HAUS1: variants seen among roughly 807,000 people sequenced by gnomAD.
HAUS1 encodes the protein HAUS augmin like complex subunit 1, also known as HAUS augmin-like complex subunit 1.
In HAUS1, 25 loss-of-function variants were observed where a neutral mutation model predicts 38.6. The ratio of observed to expected loss-of-function variants is 0.65; its 90% confidence interval spans 0.47 to 0.91. The LOEUF is 0.91. Ranked by LOEUF, HAUS1 falls within the 40% of genes least tolerant of loss-of-function variation. The pLI is 0.00. For synonymous variants in HAUS1, 109 were observed against 112.9 expected (o/e 0.97, Z 0.22); for missense variants, 325 against 328.4 (o/e 0.99, Z 0.08).
At chr18:46,114,423 C>T (rs991835100) in intron 2 of HAUS1, among the ~76,000 whole-genome samples, 1 of 152,132 alleles carries the variant, frequency 6.6e-6, no homozygotes, top group Admixed American at 6.6e-5. Flanking sequence ...TGTCACTGAG[C>T]GATATGCCAG....
intron 7 of HAUS1, among the ~76,000 whole-genome samples, chr18:46,125,236 C>T (rs1421669107): frequency 6.6e-6 from 1 of 150,572 alleles, no homozygotes; most frequent in Non-Finnish European, 1.5e-5. Flanking sequence ...CTCCAGCCTG[C>T]TCAACAGAGC....
At chr18:46,127,528 A>AC (rs1434140441) in intron 8 of HAUS1, among the ~76,000 whole-genome samples, 2 of 151,160 alleles carry the variant, frequency 1.3e-5, no homozygotes, top group African/African-American at 2.4e-5. Flanking sequence ...AGATGGTGAA[A>AC]CCCCATCTCT....
chr18:46,127,478 G>T (rs957430974), intron 8 of HAUS1, among the ~76,000 whole-genome samples: 2 of 151,906 alleles, frequency 1.3e-5, no homozygotes, highest in Non-Finnish European at 2.9e-5. Context: ...AGGCCAAGTG[G>T]GTGGATCAAA....
intron 6 of HAUS1, 73 bp downstream of exon 6, chr18:46,123,437 TTTATTCGGCTTTTATTC>T (rs1912008031): frequency 9.7e-7 from 1 of 1,034,354 alleles, no homozygotes; most frequent in South Asian, 1.4e-5. Flanking sequence ...TTTGTTTCTT[TTTATTCGGCTTTTATTC>T]ACTGTGGACC....
intron 8 of HAUS1, among the ~76,000 whole-genome samples, chr18:46,127,145 T>A (rs1043372111): frequency 2.0e-5 from 3 of 151,638 alleles, no homozygotes; most frequent in African/African-American, 7.3e-5. Flanking sequence ...AATTTTTGTA[T>A]TTTTTTAGTA....
Position 46,113,010 on chromosome 18 carries a change from T to TATATATATTCCATATTATATATATA in HAUS1, c.206-5162_206-5138dup, listed in dbSNP as rs1568263643. 3.3e-4 allele frequency among the ~76,000 whole-genome samples: 42 copies of TATATATATTCCATATTATATATATA among 126,506 alleles called. 1 individual carries two copies. The highest frequency in any genetic ancestry group is 1.2e-3 in the African/African-American group (40 of 32,168). The allele number at this position is 126,506 out of a possible 152,430, so 83.0% of individuals were successfully genotyped here. A position where few individuals can be genotyped will look rare whatever the true frequency, so the allele number is the denominator to read the frequency against. ...TAATATATATTCCATATATATGGAA[T>TATATATATTCCATATTATATATATA]ATATATATTCCATATTATATATATA... is the stretch of plus-strand genomic sequence containing the variant. On this transcript the variant is annotated intron_variant, in intron 2 of 8. Transcript: ENST00000282058.
At chr18:46,112,020 G>A (rs1159747045) in intron 2 of HAUS1, among the ~76,000 whole-genome samples, 3 of 149,346 alleles carry the variant, frequency 2.0e-5, no homozygotes, top group Non-Finnish European at 4.4e-5. Context: ...TGAGTAGCTG[G>A]GATTATAGGC....
intron 2 of HAUS1, among the ~76,000 whole-genome samples, chr18:46,106,424 G>A (rs1303712599): frequency 3.3e-5 from 5 of 150,136 alleles, no homozygotes; most frequent in African/African-American, 4.9e-5. Flanking sequence ...AGCCGAGATC[G>A]CACCACTGCA....
chr18:46,104,898 T>C (rs1599802273), intron 1 of HAUS1, among the ~76,000 whole-genome samples: 1 of 152,224 alleles, frequency 6.6e-6, no homozygotes, highest in Non-Finnish European at 1.5e-5. Context: ...TATGGTCTAT[T>C]AAGCTTTAAG....
chr18:46,105,287 G>T lies in HAUS1; in HGVS notation c.124G>T (p.Glu42Ter), dbSNP rs780829199. The T allele has an allele frequency of 3.1e-6, 5 of 1,613,704 alleles. No individual in the cohort carries two copies. The highest frequency in any genetic ancestry group is 4.2e-6 in the Non-Finnish European group (5 of 1,179,790). ...CACAGAGATTTTACATCACCTTTCA[G>T]AACGCAACAGGGTCCGGGACAGGGA... ...RTTEILHHLS[E>*]RNRVRDRDVY... Residue 42 changes from glutamate (E) to a stop codon, truncating the protein, a stop_gained, in exon 2 of 9, where the codon GAA becomes TAA. Transcript: ENST00000282058. LOFTEE classifies it high-confidence loss of function.
Position 46,110,333 on chromosome 18 carries a change from G to GTTTTTTTTTT in HAUS1, c.205+4985_205+4994dup, listed in dbSNP as rs71160713. ...ACCATGCCCAGCTTATTTTTTTAAGGTTTTTTTTTTTTTTTTTTTTTTTTT... is the reference window on the plus strand; with the variant it reads ...ACCATGCCCAGCTTATTTTTTTAAGGTTTTTTTTTTTTTTTTTTTTTTTTTTTTTTTTTTT... On this transcript the variant is annotated intron_variant, in intron 2 of 8. Transcript: ENST00000282058. Among the ~76,000 whole-genome samples, 7 of 50,014 alleles carry GTTTTTTTTTT rather than the reference G, an allele frequency of 1.4e-4. 1 individual carries two copies. Among genetic ancestry groups the GTTTTTTTTTT allele is most frequent in the Admixed American group, 2.7e-4 (1 of 3,684 alleles). 32.8% of individuals were successfully genotyped at this position (50,014 alleles called of 152,430 possible).
At chr18:46,109,638 C>T (rs761572252) in intron 2 of HAUS1, 6 of 151,088 alleles carry the variant, frequency 4.0e-5, no homozygotes, top group Non-Finnish European at 7.4e-5. Flanking sequence ...TTTTTTCCTC[C>T]CGAGACAGAG....
chr18:46,126,145 C>G (rs549400308), intron 8 of HAUS1, among the ~76,000 whole-genome samples: 3 of 151,906 alleles, frequency 2.0e-5, no homozygotes, highest in Non-Finnish European at 4.4e-5. Context: ...CGTGGTGATG[C>G]GTGCCCGTAA....
At position 46,104,563 on chromosome 18, in the gene HAUS1, G is replaced by T. The variant is rs952161993; in HGVS notation, c.30+122G>T. The stretch of plus-strand genomic sequence containing the variant: ...TTTCTCTCCCCTATTCCACACATCC[G>T]TCTTTTAGTGCCGCCGTCACTATCT... On this transcript the variant is annotated intron_variant, in intron 1 of 8. Coordinates refer to ENST00000282058, the MANE Select transcript of HAUS1 (RefSeq NM_138443.4). 1.0e-5 allele frequency: 8 copies of T among 785,166 alleles called. No homozygotes were observed. In the African/African-American group the frequency reaches 1.5e-4, roughly 14 times the overall value. 48.6% of individuals were successfully genotyped at this position (785,166 alleles called of 1,614,324 possible).
In HAUS1 at chr18:46,128,183, A is replaced by G; in HGVS notation, c.*58A>G. The G allele has an allele frequency of 9.1e-7, 1 of 1,094,230 alleles. No homozygotes were observed. The highest frequency in any genetic ancestry group is 1.3e-6 in the Non-Finnish European group (1 of 755,560). The allele number at this position is 1,094,230 out of a possible 1,614,324, so 67.8% of individuals were successfully genotyped here. On this transcript the variant is annotated 3_prime_UTR_variant, in exon 9 of 9. Transcript: ENST00000282058. ...AAGTAAATTGAATAGGACTTTACAG[A>G]GTTCTTTTTCCTCTTGGCATTTCCT...
chr18:46,124,720 T>C lies in HAUS1; in HGVS notation c.667-102T>C, dbSNP rs1001020636. On this transcript the variant is annotated intron_variant, in intron 6 of 8. Coordinates refer to ENST00000282058, the MANE Select transcript of HAUS1 (RefSeq NM_138443.4). ...TTATTCGATAACGTTATTTAAAATA[T>C]ACTAATGTTAATGCTTTGTTGTGTT... 2.9e-5 allele frequency: 19 copies of C among 644,086 alleles called. No homozygotes were observed. The Admixed American group carries it at 4.5e-4, about 15-fold the overall frequency. 39.9% of individuals were successfully genotyped at this position (644,086 alleles called of 1,614,324 possible).
intron 8 of HAUS1, among the ~76,000 whole-genome samples, chr18:46,126,442 T>C (rs1912106760): frequency 6.6e-6 from 1 of 152,134 alleles, no homozygotes; most frequent in Admixed American, 6.6e-5. Flanking sequence ...CTGTAGCAAG[T>C]GATAAAGTCC....
rs1007360607 is a variant in HAUS1, at chr18:46,123,293, T to C, written c.601-6T>C. ...TTAACTGAACTCCTTTTTTTGGTAA[T>C]TGTAGGAGCAACTTTCAGCCAGAGG... On this transcript the variant is annotated splice_polypyrimidine_tract_variant and splice_region_variant and intron_variant, in intron 5 of 8. Coordinates refer to ENST00000282058, the MANE Select transcript of HAUS1 (RefSeq NM_138443.4). 2 of 1,601,584 alleles carry C rather than the reference T, an allele frequency of 1.2e-6. No individual in the cohort carries two copies. The highest frequency in any genetic ancestry group is 2.7e-5 in the African/African-American group (2 of 74,428).
At chr18:46,125,880 C>T in intron 8 of HAUS1, 89 bp downstream of exon 8, 2 of 817,466 alleles carry the variant, frequency 2.4e-6, no homozygotes, top group Non-Finnish European at 4.0e-6. Flanking sequence ...TCTTTCCTTT[C>T]TCCTCAGTGG....
Sources: allele counts gnomAD v4.1 joint callset (sites outside exome capture counted in the v4.1 genomes callset), GRCh38; gene constraint gnomAD v4.1.1; transcripts MANE v1.5; gene names NCBI Gene and HGNC (gene_info 2026-07-23, HGNC 2026-07-21).